The following SLC5A12 variants were observed in gnomAD, a reference collection of about 807,000 sequenced individuals.
SLC5A12 encodes sodium-coupled monocarboxylate transporter 2.
Under a neutral mutation model 72.7 loss-of-function variants are expected in SLC5A12, and 46 were observed. The ratio of observed to expected loss-of-function variants is 0.63; its 90% CI spans 0.50 to 0.81. SLC5A12 has a LOEUF of 0.81. Ranked by LOEUF, SLC5A12 falls within the 30% of genes least tolerant of loss-of-function variation. The pLI, the probability that SLC5A12 is intolerant of heterozygous loss-of-function variation, is 0.00. For missense variants in SLC5A12, 683 were observed against 740.7 expected, an observed-to-expected ratio of 0.92 and a Z score of 0.90; for synonymous variants, 275 against 264.4, an observed-to-expected ratio of 1.04 and a Z score of -0.39.
At chr11:26,672,772 G>A (rs1854173472) in intron 14 of SLC5A12, among the ~76,000 whole-genome samples, 3 of 152,168 alleles carry the variant, frequency 2.0e-5, no homozygotes, top group African/African-American at 4.8e-5. Context: ...CTCTAGTACT[G>A]CCTGATCTAA....
Position 26,709,332 on chromosome 11 carries a change from A to T in SLC5A12, c.505T>A (p.Cys169Ser), listed in dbSNP as rs1267455510. Residue 169 changes from cysteine (C) to serine (S), a missense_variant, in exon 4 of 15, where the codon TGC becomes AGC. Transcript: ENST00000396005. ...WGSVFATGIV[C>S]TFYCTLGGLK... is the part of the protein sequence containing the mutation. ...CATACCAGGGTACAGTAGAATGTGC[A>T]AACAATTCCTGTTGCAAACACAGAG... is the stretch of plus-strand genomic sequence containing the variant. 3 of 1,611,884 alleles carry T rather than the reference A, an allele frequency of 1.9e-6. No homozygotes were observed. Among genetic ancestry groups the T allele is most frequent in the Middle Eastern group, 1.7e-4 (1 of 6,036 alleles).
chr11:26,696,740 T>A (rs1854824940), intron 8 of SLC5A12, among the ~76,000 whole-genome samples: 1 of 152,194 alleles, frequency 6.6e-6, no homozygotes, highest in African/African-American at 2.4e-5. Context: ...CATCATTGAC[T>A]GAAATGTCAT....
At position 26,669,183 on chromosome 11, in the gene SLC5A12, CTTCT is replaced by C. The variant is rs371008846; in HGVS notation, c.*1915_*1918del. 1 of 98,674 alleles carries C rather than the reference CTTCT, an allele frequency of 1.0e-5. No homozygotes were observed. Among genetic ancestry groups the C allele is most frequent in the Non-Finnish European group, 2.4e-5 (1 of 41,156 alleles). 6.1% of individuals were successfully genotyped at this position (98,674 alleles called of 1,614,324 possible). A position where few individuals can be genotyped will look rare whatever the true frequency, so the allele number is the denominator to read the frequency against. On this transcript the variant is annotated 3_prime_UTR_variant, in exon 15 of 15. Coordinates refer to ENST00000396005, the MANE Select transcript of SLC5A12 (RefSeq NM_178498.4). ...TTCCTGTCTTTTTCTTTCTTTCTTTCTTCTTTTCTTTCTTTCTTTCTTTCTTTCT... is the reference window on the plus strand; with the variant it reads ...TTCCTGTCTTTTTCTTTCTTTCTTTCTTTCTTTCTTTCTTTCTTTCTTTCT...
In SLC5A12 at chr11:26,673,438, G is replaced by A; in HGVS notation, c.1671C>T (p.Cys557=). The change falls in exon 14 of 15, where the codon TGC becomes TGT. Residue 557 remains cysteine, a synonymous_variant. Coordinates refer to ENST00000396005, the MANE Select transcript of SLC5A12 (RefSeq NM_178498.4). ...CFWSKKYKTL[C]WCGVQHDSGT... The stretch of plus-strand genomic sequence containing the variant: ...CACTGTCATGCTGAACTCCACACCA[G>A]CATAGTGTTTTGTACTTCTTAGACC... 6.2e-7 allele frequency: 1 copy of A among 1,610,334 alleles called. No homozygotes were observed. The highest frequency in any genetic ancestry group is 8.5e-7 in the Non-Finnish European group (1 of 1,178,210).
intron 6 of SLC5A12, among the ~76,000 whole-genome samples, chr11:26,702,484 G>T (rs1239982346): frequency 6.6e-6 from 1 of 152,140 alleles, no homozygotes; most frequent in Non-Finnish European, 1.5e-5. Context: ...AAGTATCCTG[G>T]TTAGGCTGGG....
At chr11:26,671,351 T>A in intron 14 of SLC5A12, 100 bp from the exon 15 acceptor site, 1 of 998,542 alleles carries the variant, frequency 1.0e-6, no homozygotes, top group Non-Finnish European at 1.5e-6. Context: ...AAAAATTATA[T>A]ATATGTACAA....
At chr11:26,705,925 TAC>T (rs71047876) in intron 4 of SLC5A12, among the ~76,000 whole-genome samples, 7,412 of 129,382 alleles carry the variant, frequency 0.057, 224 homozygotes, top group East Asian at 0.13. Flanking sequence ...TTCTCTGTCA[TAC>T]ACACACACAC....
intron 1 of SLC5A12, among the ~76,000 whole-genome samples, chr11:26,718,651 TGTGTGTGTG>T (rs1565205747): frequency 1.4e-5 from 2 of 147,576 alleles, no homozygotes; most frequent in Admixed American, 1.4e-4. Flanking sequence ...TGTGTGTGTG[TGTGTGTGTG>T]TGTTGTTTAG....
intron 8 of SLC5A12, among the ~76,000 whole-genome samples, chr11:26,696,627 AG>A (rs1854821825): frequency 6.6e-6 from 1 of 152,238 alleles, no homozygotes; most frequent in African/African-American, 2.4e-5. Flanking sequence ...TGAATACTGT[AG>A]GCAATTGTAA....
At chr11:26,718,907 A>C (rs1855415151) in intron 1 of SLC5A12, among the ~76,000 whole-genome samples, 1 of 152,202 alleles carries the variant, frequency 6.6e-6, no homozygotes, top group Admixed American at 6.5e-5. Context: ...TAGGTCACTA[A>C]AAAGTTGAAA....
At chr11:26,709,187 C>G (rs1262558150) in intron 4 of SLC5A12, 125 bp downstream of exon 4, 1 of 603,258 alleles carries the variant, frequency 1.7e-6, no homozygotes, top group African/African-American at 1.8e-5. Flanking sequence ...ACAGATAAGC[C>G]GACATACTTC....
rs974151627 is a variant in SLC5A12, at chr11:26,673,525, G to A, written c.1584C>T (p.Arg528=). The A allele has an allele frequency of 3.7e-6, 6 of 1,602,690 alleles. No individual in the cohort carries two copies. Among genetic ancestry groups the A allele is most frequent in the Admixed American group, 1.7e-5 (1 of 58,304 alleles). ...AGVIISLITG[R]QRGEDIQPLL... is the part of the protein sequence containing the mutation. ...GTGGTTGAATATCCTCACCTCTTTG[G>A]CGACCTATTAACAAAAGAACAAATA... is the stretch of plus-strand genomic sequence containing the variant. Residue 528 remains arginine (R), a synonymous_variant, in exon 14 of 15, where the codon CGC becomes CGT. Transcript: ENST00000396005.
intron 4 of SLC5A12, among the ~76,000 whole-genome samples, chr11:26,704,182 GACA>G (rs1305685919): frequency 1.3e-5 from 2 of 152,138 alleles, no homozygotes; most frequent in Non-Finnish European, 2.9e-5. Context: ...GCAGATGTTA[GACA>G]ACAAGATAGT....
chr11:26,719,769 T>C lies in SLC5A12; in HGVS notation c.339+1607A>G, dbSNP rs76928177. Among the ~76,000 whole-genome samples, 357 of 152,314 alleles carry C rather than the reference T, an allele frequency of 2.3e-3. 4 individuals carry two copies. In the East Asian group the frequency reaches 0.027, roughly 12 times the overall value. ...TCACCCTCTATGAATATGGACATTC[T>C]CTACTCATACCAGCATTCCTCCTCT... On this transcript the variant is annotated intron_variant, in intron 1 of 14. Coordinates refer to ENST00000396005, the MANE Select transcript of SLC5A12 (RefSeq NM_178498.4).
chr11:26,708,846 AG>A (rs1183366199), intron 4 of SLC5A12, among the ~76,000 whole-genome samples: 4 of 152,200 alleles, frequency 2.6e-5, no homozygotes, highest in Middle Eastern at 3.4e-3. Context: ...CAGAAATACA[AG>A]ACAAAAACAA....
chr11:26,716,354 T>C (rs1415872023), intron 1 of SLC5A12: 4 of 152,200 alleles, frequency 2.6e-5, no homozygotes, highest in Non-Finnish European at 5.9e-5. Flanking sequence ...AGGATTCTCA[T>C]CTGTGAAAGA....
chr11:26,700,610 G>T (rs1474653205), intron 6 of SLC5A12, among the ~76,000 whole-genome samples: 19 of 152,100 alleles, frequency 1.2e-4, no homozygotes. Flanking sequence ...ACTGTGTGTA[G>T]ATGTGCTCAT....
At position 26,668,815 on chromosome 11, in the gene SLC5A12, G is replaced by C. The variant is rs1365191003; in HGVS notation, c.*2287C>G. ...CAGAGATATTTTTATAATAATAATT[G>C]CATTTTCCAGTTGTATGACATTTTG... On this transcript the variant is annotated 3_prime_UTR_variant, in exon 15 of 15. Transcript: ENST00000396005. 1.3e-5 allele frequency: 2 copies of C among 151,924 alleles called. No individual in the cohort carries two copies. Among genetic ancestry groups the C allele is most frequent in the African/African-American group, 4.8e-5 (2 of 41,362 alleles). The allele number at this position is 151,924 out of a possible 1,614,324, so 9.4% of individuals were successfully genotyped here.
intron 6 of SLC5A12, among the ~76,000 whole-genome samples, chr11:26,703,247 T>A (rs1401149642): frequency 6.6e-6 from 1 of 152,146 alleles, no homozygotes; most frequent in Non-Finnish European, 1.5e-5. Context: ...CAGTACCTAA[T>A]TTAATCTAGT....
Sources: gnomAD v4.1 joint callset for allele counts (sites outside exome capture counted in the v4.1 genomes callset) on GRCh38, gnomAD v4.1.1 for gene constraint, MANE v1.5 for transcripts, NCBI Gene and HGNC (gene_info 2026-07-23, HGNC 2026-07-21) for gene names.